LRMDA: variants seen among roughly 807,000 people sequenced by gnomAD.
The protein encoded by LRMDA is leucine rich melanocyte differentiation associated, also known as leucine-rich melanocyte differentiation-associated protein.
Under a neutral mutation model 29.8 loss-of-function variants are expected in LRMDA, and 18 were observed. The ratio of observed to expected loss-of-function variants is 0.60; its 90% CI spans 0.42 to 0.90. LRMDA has a LOEUF of 0.90. Among genes scored for constraint, LRMDA ranks in the 40% least tolerant of loss-of-function variants. The pLI is 0.00. For missense variants in LRMDA, 273 were observed against 273.9 expected, an observed-to-expected ratio of 1.00 and a Z score of 0.02; for synonymous variants, 125 against 109.4, an observed-to-expected ratio of 1.14 and a Z score of -0.89.
chr10:76,339,868 C>T (rs1349942037), intron 6 of LRMDA, among the ~76,000 whole-genome samples: 3 of 151,918 alleles, frequency 2.0e-5, no homozygotes, highest in African/African-American at 7.2e-5. Context: ...AACCATATAG[C>T]CCTCAAAGAG....
intron 2 of LRMDA, among the ~76,000 whole-genome samples, chr10:75,995,188 G>A (rs1847439696): frequency 6.6e-6 from 1 of 152,224 alleles, no homozygotes; most frequent in Admixed American, 6.5e-5. Context: ...AGCATTTGCA[G>A]TGGAGTAAAG....
intron 6 of LRMDA, among the ~76,000 whole-genome samples, chr10:76,460,928 TC>T (rs1246788468): frequency 6.6e-6 from 1 of 152,182 alleles, no homozygotes; most frequent in African/African-American, 2.4e-5. Flanking sequence ...TGCATTCACA[TC>T]CTGGCTCTGA....
rs377639647 is a variant in LRMDA, at chr10:75,697,834, A to AGTGTGTGTGTGTGTGT, written c.131+259342_131+259357dup. 2.6e-4 allele frequency among the ~76,000 whole-genome samples: 35 copies of AGTGTGTGTGTGTGTGT among 132,142 alleles called. 1 individual carries two copies. Among genetic ancestry groups the AGTGTGTGTGTGTGTGT allele is most frequent in the African/African-American group, 1.1e-3 (34 of 32,180 alleles). The allele number at this position is 132,142 out of a possible 152,430, so 86.7% of individuals were successfully genotyped here. A position where few individuals can be genotyped will look rare whatever the true frequency, so the allele number is the denominator to read the frequency against. On this transcript the variant is annotated intron_variant, in intron 2 of 6. Coordinates refer to ENST00000611255, the MANE Select transcript of LRMDA (RefSeq NM_001305581.2). ...TCTCTCTGTATTATGTGCATGTAAG[A>AGTGTGTGTGTGTGTGT]GTGTGTGTGTGTGTGTGCGTGTGTG...
At chr10:75,721,528 C>A (rs1842566779) in intron 2 of LRMDA, among the ~76,000 whole-genome samples, 1 of 152,078 alleles carries the variant, frequency 6.6e-6, no homozygotes, top group Non-Finnish European at 1.5e-5. Context: ...TTGACTTTTA[C>A]AATGGAAAAA....
intron 2 of LRMDA, among the ~76,000 whole-genome samples, chr10:75,821,463 A>G (rs1340106609): frequency 1.3e-5 from 2 of 152,232 alleles, no homozygotes; most frequent in Non-Finnish European, 2.9e-5. Flanking sequence ...AACATCCAGC[A>G]TCTCTTCATG....
intron 6 of LRMDA, among the ~76,000 whole-genome samples, chr10:76,445,145 T>C (rs1020389985): frequency 6.6e-6 from 1 of 152,180 alleles, no homozygotes. Flanking sequence ...ATCCCAGGAA[T>C]GCCTACCCTT....
At chr10:75,711,361 G>A (rs553808174) in intron 2 of LRMDA, among the ~76,000 whole-genome samples, 12 of 152,264 alleles carry the variant, frequency 7.9e-5, no homozygotes, top group Non-Finnish European at 7.3e-5. Flanking sequence ...AATCCCTAGA[G>A]AACTGTTCAA....
At chr10:76,109,596 A>G (rs2132111857) in intron 5 of LRMDA, among the ~76,000 whole-genome samples, 1 of 152,174 alleles carries the variant, frequency 6.6e-6, no homozygotes, top group Admixed American at 6.5e-5. Context: ...TTAGTGTCAA[A>G]TTTTCAAAAG....
intron 5 of LRMDA, among the ~76,000 whole-genome samples, chr10:76,266,139 G>T (rs963779955): frequency 1.3e-5 from 2 of 152,090 alleles, no homozygotes; most frequent in Non-Finnish European, 2.9e-5. Flanking sequence ...GTTGTTGGGA[G>T]GATTAACCGG....
At chr10:76,519,782 T>A (rs1249678583) in intron 6 of LRMDA, among the ~76,000 whole-genome samples, 1 of 152,206 alleles carries the variant, frequency 6.6e-6, no homozygotes. Context: ...GTTTATTGAC[T>A]ATTTTTATTT....
intron 2 of LRMDA, among the ~76,000 whole-genome samples, chr10:75,947,961 G>T (rs1334829900): frequency 6.6e-6 from 1 of 152,172 alleles, no homozygotes; most frequent in Non-Finnish European, 1.5e-5. Flanking sequence ...TGAGGGCAGT[G>T]ATATTATTTG....
At chr10:76,268,268 A>T (rs1189417840) in intron 5 of LRMDA, among the ~76,000 whole-genome samples, 1 of 152,216 alleles carries the variant, frequency 6.6e-6, no homozygotes, top group African/African-American at 2.4e-5. Flanking sequence ...CTTGACACAT[A>T]GTCCTCTGTG....
intron 6 of LRMDA, among the ~76,000 whole-genome samples, chr10:76,554,464 C>G (rs1843530350): frequency 6.6e-6 from 1 of 152,186 alleles, no homozygotes; most frequent in Non-Finnish European, 1.5e-5. Context: ...AATGCAGTAT[C>G]TGTTTTCCTG....
At chr10:75,879,455 A>G (rs1845257213) in intron 2 of LRMDA, among the ~76,000 whole-genome samples, 1 of 152,186 alleles carries the variant, frequency 6.6e-6, no homozygotes, top group Admixed American at 6.5e-5. Context: ...AGCCATGGTC[A>G]TTTACCGCCT....
intron 2 of LRMDA, among the ~76,000 whole-genome samples, chr10:75,834,153 G>A (rs1844393552): frequency 6.6e-6 from 1 of 152,124 alleles, no homozygotes; most frequent in South Asian, 2.1e-4. Flanking sequence ...TAAGCTGACA[G>A]TATTTCTGCT....
chr10:76,357,431 CATCAGAGGGGT>C (rs561101060), intron 6 of LRMDA, among the ~76,000 whole-genome samples: 158 of 152,296 alleles, frequency 1.0e-3, no homozygotes, highest in African/African-American at 3.7e-3. Flanking sequence ...TGGAGGTACA[CATCAGAGGGGT>C]ACCTTTTTCA....
intron 5 of LRMDA, among the ~76,000 whole-genome samples, chr10:76,209,962 C>G (rs1246432616): frequency 6.6e-6 from 1 of 152,214 alleles, no homozygotes; most frequent in East Asian, 1.9e-4. Context: ...AATGAATGAA[C>G]TGGGAAAAGG....
In LRMDA at chr10:76,114,659, C is replaced by T. The variant is rs535154797; in HGVS notation, c.516+55876C>T. On this transcript the variant is annotated intron_variant, in intron 5 of 6. Coordinates refer to ENST00000611255, the MANE Select transcript of LRMDA (RefSeq NM_001305581.2). ...CAGCCCCTTTCCTTCCCCTCATCAG[C>T]TTACGTGTGTGCAGCTGAGCGTTGA... Among the ~76,000 whole-genome samples, 4 of 152,320 alleles carry T rather than the reference C, an allele frequency of 2.6e-5. No homozygotes were observed. In the South Asian group the frequency reaches 8.3e-4, roughly 32 times the overall value.
At position 75,780,136 on chromosome 10, in the gene LRMDA, G is replaced by T. The variant is rs528644984; in HGVS notation, c.132-255872G>T. 5.6e-4 allele frequency among the ~76,000 whole-genome samples: 85 copies of T among 152,312 alleles called. 1 individual carries two copies. In the South Asian group the frequency reaches 0.016, roughly 29 times the overall value. On this transcript the variant is annotated intron_variant, in intron 2 of 6. Coordinates refer to ENST00000611255, the MANE Select transcript of LRMDA (RefSeq NM_001305581.2). ...ATTCTCCCCTAGGGCCTTTGGAGGG[G>T]ATGTGACCCTACTGACACTGGATTT...
Sources: allele counts gnomAD v4.1 joint callset (sites outside exome capture counted in the v4.1 genomes callset), GRCh38; gene constraint gnomAD v4.1.1; transcripts MANE v1.5; gene names NCBI Gene and HGNC (gene_info 2026-07-23, HGNC 2026-07-21).